UMAD1: variants seen among roughly 807,000 people sequenced by gnomAD.
The protein encoded by UMAD1 is UBAP1-MVB12-associated (UMA)-domain containing protein 1.
UMAD1 carries 8 observed loss-of-function variants against 6.1 expected under a neutral mutation model. That is an observed-to-expected ratio of 1.30 (90% CI 0.76 to 2.35). The LOEUF (loss-of-function observed/expected upper bound fraction) is 2.35, where lower values mean the gene tolerates loss of function less well. Among genes scored for constraint, UMAD1 ranks in the 30% most tolerant of loss-of-function variants. The pLI, the probability that UMAD1 is intolerant of heterozygous loss-of-function variation, is 0.00. For synonymous variants in UMAD1, 56 were observed against 31.4 expected (o/e 1.78, Z -2.61); for missense variants, 130 against 78.4 (o/e 1.66, Z -2.49).
rs560432708 is a variant in UMAD1 at position 7,820,798 on chromosome 7, T to C, written c.156+19055T>C. Among the ~76,000 whole-genome samples, 6 of 152,308 alleles carry C rather than the reference T, an allele frequency of 3.9e-5. No homozygotes were observed. In the South Asian group the frequency reaches 1.2e-3, roughly 32 times the overall value. ...CCAATTAGTCATAAGCCAGTTTGGA[T>C]TTAGGAATTGCATAGTTTATTACTT... On this transcript the variant is annotated intron_variant, in intron 3 of 3. Coordinates refer to ENST00000682710, the MANE Select transcript of UMAD1 (RefSeq NM_001302348.2).
chr7:7,686,138 G>C (rs999670369), intron 2 of UMAD1: 2 of 152,126 alleles, frequency 1.3e-5, no homozygotes, highest in Non-Finnish European at 2.9e-5. Flanking sequence ...AGAATTGCTG[G>C]AATAATTATT....
At chr7:7,699,049 TGGG>T (rs63713363) in intron 2 of UMAD1, among the ~76,000 whole-genome samples, 6 of 143,704 alleles carry the variant, frequency 4.2e-5, no homozygotes, top group Non-Finnish European at 6.1e-5. Flanking sequence ...TGTGTGTGTG[TGGG>T]GGGGGGGTAG....
At chr7:7,738,280 A>G (rs1466166200) in intron 2 of UMAD1, among the ~76,000 whole-genome samples, 1 of 152,374 alleles carries the variant, frequency 6.6e-6, no homozygotes, top group Admixed American at 6.5e-5. Flanking sequence ...TGAAGCAAAC[A>G]AAACAGAGGC....
At chr7:7,820,367 T>G (rs946630763) in intron 3 of UMAD1, among the ~76,000 whole-genome samples, 6 of 152,264 alleles carry the variant, frequency 3.9e-5, no homozygotes, top group African/African-American at 1.4e-4. Context: ...ATAGCATCTA[T>G]AAGTCCACTG....
intron 3 of UMAD1, among the ~76,000 whole-genome samples, chr7:7,804,221 G>T (rs1782860601): frequency 6.6e-6 from 1 of 152,120 alleles, no homozygotes; most frequent in Non-Finnish European, 1.5e-5. Flanking sequence ...AAGTGGAGTG[G>T]GAGACTATAA....
At chr7:7,679,731 T>TATATAC (rs1554313986) in intron 2 of UMAD1, among the ~76,000 whole-genome samples, 1 of 135,930 alleles carries the variant, frequency 7.4e-6, no homozygotes, top group Non-Finnish European at 1.5e-5. Context: ...TATATATATA[T>TATATAC]ACACACACAC....
intron 3 of UMAD1, among the ~76,000 whole-genome samples, chr7:7,876,124 A>T (rs562572932): frequency 6.6e-6 from 1 of 152,348 alleles, no homozygotes; most frequent in South Asian, 2.1e-4. Flanking sequence ...TTGAGATGGC[A>T]TCTGGGCTAG....
chr7:7,764,960 A>G (rs1224217266), intron 2 of UMAD1, among the ~76,000 whole-genome samples: 3 of 150,060 alleles, frequency 2.0e-5, no homozygotes, highest in South Asian at 4.2e-4. Flanking sequence ...GTCACTGCCT[A>G]CTACTGGTGA....
intron 3 of UMAD1, among the ~76,000 whole-genome samples, chr7:7,875,727 A>C (rs1255838963): frequency 1.3e-5 from 2 of 152,188 alleles, no homozygotes; most frequent in Non-Finnish European, 1.5e-5. Flanking sequence ...AAGCCCAATA[A>C]ATCTTTATTG....
intron 1 of UMAD1, among the ~76,000 whole-genome samples, chr7:7,663,356 A>T (rs199533040): frequency 6.6e-6 from 1 of 151,618 alleles, no homozygotes; most frequent in Non-Finnish European, 1.5e-5. Context: ...ATTTATGTTA[A>T]TCAATTTAAT....
intron 1 of UMAD1, among the ~76,000 whole-genome samples, chr7:7,650,288 T>G (rs17545831): frequency 0.16 from 24,704 of 152,228 alleles, 2,351 homozygotes; most frequent in Middle Eastern, 0.24. Context: ...TATCATTTTC[T>G]TTACTTAATA....
chr7:7,787,781 T>C (rs1157913808), intron 2 of UMAD1, among the ~76,000 whole-genome samples: 3 of 152,240 alleles, frequency 2.0e-5, no homozygotes, highest in South Asian at 2.1e-4. Context: ...TGAGCTACCC[T>C]GTCCTTATTG....
chr7:7,846,283 A>G (rs116782230), intron 3 of UMAD1, among the ~76,000 whole-genome samples: 3,933 of 152,306 alleles, frequency 0.026, 89 homozygotes, highest in African/African-American at 0.046. Context: ...AAAGGTAAAG[A>G]TCAAGTATTT....
chr7:7,818,989 G>A (rs7799658), intron 3 of UMAD1, among the ~76,000 whole-genome samples: 118,875 of 151,642 alleles, frequency 0.78, 46,722 homozygotes, highest in African/African-American at 0.83. Context: ...AGCTGGGATT[G>A]CAGATGCATG....
chr7:7,783,665 T>G (rs951602284), intron 2 of UMAD1, among the ~76,000 whole-genome samples: 1 of 152,176 alleles, frequency 6.6e-6, no homozygotes, highest in Non-Finnish European at 1.5e-5. Context: ...GTGCTTTCAT[T>G]AGAGAGGCGT....
intron 2 of UMAD1, among the ~76,000 whole-genome samples, chr7:7,759,460 G>A (rs974939875): frequency 7.2e-5 from 11 of 152,142 alleles, no homozygotes; most frequent in Admixed American, 2.0e-4. Flanking sequence ...AGCATTTTGC[G>A]CCCTCTTTAA....
intron 2 of UMAD1, among the ~76,000 whole-genome samples, chr7:7,725,570 G>A (rs1353697491): frequency 6.6e-6 from 1 of 152,192 alleles, no homozygotes; most frequent in Non-Finnish European, 1.5e-5. Flanking sequence ...CTGAACGTTT[G>A]ACTATGGATC....
Position 7,767,128 on chromosome 7 carries a change from C to CTTTTT in UMAD1, c.83-34532_83-34528dup, listed in dbSNP as rs71014711. Among the ~76,000 whole-genome samples, 558 of 129,794 alleles carry CTTTTT rather than the reference C, an allele frequency of 4.3e-3. 22 individuals are homozygous for CTTTTT. The highest frequency in any genetic ancestry group is 0.03 in the Admixed American group (378 of 12,580). 85.1% of individuals were successfully genotyped at this position (129,794 alleles called of 152,430 possible). A position where few individuals can be genotyped will look rare whatever the true frequency, so the allele number is the denominator to read the frequency against. ...AGTGAGCATTTCAAGAAATTAAGCT[C>CTTTTT]TTTTTTTTTTTTTTGAGACGGACTC... On this transcript the variant is annotated intron_variant, in intron 2 of 3. Coordinates refer to ENST00000682710, the MANE Select transcript of UMAD1 (RefSeq NM_001302348.2).
chr7:7,818,518 G>T (rs1161588703), intron 3 of UMAD1, among the ~76,000 whole-genome samples: 1 of 152,172 alleles, frequency 6.6e-6, no homozygotes, highest in Admixed American at 6.5e-5. Flanking sequence ...AAAAATAACA[G>T]ATGCTGGCAA....
Sources: allele counts gnomAD v4.1 joint callset (sites outside exome capture counted in the v4.1 genomes callset), GRCh38; gene constraint gnomAD v4.1.1; transcripts MANE v1.5; gene names NCBI Gene and HGNC (gene_info 2026-07-23, HGNC 2026-07-21).